The following TENM2 variants were observed in gnomAD, a reference collection of about 807,000 sequenced individuals.
TENM2 encodes teneurin-2.
A neutral mutation model predicts 245.2 loss-of-function variants in TENM2; 52 were observed. That is an observed-to-expected ratio of 0.21 (90% CI 0.17 to 0.27). The LOEUF (loss-of-function observed/expected upper bound fraction) is 0.27, where lower values mean the gene tolerates loss of function less well. TENM2 is among the 10% of genes least tolerant of loss of function. The pLI is 1.00. For missense variants in TENM2, 3,046 were observed against 3,666.8 expected (o/e 0.83, Z 4.37); for synonymous variants, 1,363 against 1,438.9 (o/e 0.95, Z 1.19).
chr5:167,655,494 G>T (rs772820013), intron 2 of TENM2, among the ~76,000 whole-genome samples: 3 of 152,160 alleles, frequency 2.0e-5, no homozygotes, highest in African/African-American at 7.2e-5. Context: ...CTTTAGTTCA[G>T]TTAGAATCTG....
Position 168,195,257 on chromosome 5 carries a change from C to T in TENM2, c.2862C>T (p.Tyr954=), listed in dbSNP as rs969647847. ...GTGTGAACGTGTCTTTTGTCAAGTA[C>T]CCAAAATACGGCTACACCATCACCC... Residue 954 remains tyrosine (Y), a synonymous_variant, in exon 15 of 29, where the codon TAC becomes TAT. Coordinates refer to ENST00000518659, the Ensembl canonical transcript of TENM2. The T allele has an allele frequency of 1.5e-5, 24 of 1,604,742 alleles. 1 individual carries two copies. In the African/African-American group the frequency reaches 3.2e-4, roughly 21 times the overall value.
At chr5:167,518,301 G>A (rs751395332) in intron 2 of TENM2, among the ~76,000 whole-genome samples, 1 of 152,018 alleles carries the variant, frequency 6.6e-6, no homozygotes, top group Non-Finnish European at 1.5e-5. Context: ...TCCCAAACCT[G>A]GATTTCCCTC....
At chr5:167,288,726 G>A (rs1165797635) in intron 1 of TENM2, among the ~76,000 whole-genome samples, 2 of 152,164 alleles carry the variant, frequency 1.3e-5, no homozygotes, top group Non-Finnish European at 2.9e-5. Context: ...AGGAAACTGA[G>A]TCAGAGAGAG....
At chr5:168,202,357 A>C (rs1762008769) in intron 17 of TENM2, among the ~76,000 whole-genome samples, 1 of 152,046 alleles carries the variant, frequency 6.6e-6, no homozygotes, top group Non-Finnish European at 1.5e-5. Flanking sequence ...TTATGAACTC[A>C]TGGACTGAAA....
intron 2 of TENM2, among the ~76,000 whole-genome samples, chr5:167,403,810 G>T (rs930733472): frequency 3.3e-5 from 5 of 151,852 alleles, no homozygotes; most frequent in Admixed American, 6.6e-5. Flanking sequence ...GAATAACACA[G>T]AAAGTTGGTG....
At chr5:167,866,606 C>T (rs188568984) in intron 2 of TENM2, among the ~76,000 whole-genome samples, 10 of 151,562 alleles carry the variant, frequency 6.6e-5, no homozygotes, top group Admixed American at 3.9e-4. Context: ...GTTGTTTCGG[C>T]GTGTTTAGAG....
chr5:167,789,898 A>C (rs906364196), intron 2 of TENM2, among the ~76,000 whole-genome samples: 1 of 152,198 alleles, frequency 6.6e-6, no homozygotes, highest in African/African-American at 2.4e-5. Context: ...GAGACATAAT[A>C]TGTACTTAAT....
At chr5:168,071,943 G>A (rs948971838) in intron 7 of TENM2, among the ~76,000 whole-genome samples, 9 of 152,162 alleles carry the variant, frequency 5.9e-5, no homozygotes, top group Non-Finnish European at 1.3e-4. Flanking sequence ...TTACATTCCA[G>A]CCTGGTGAAA....
At chr5:168,241,223 C>T (rs1344591662) in intron 25 of TENM2, 1 of 151,908 alleles carries the variant, frequency 6.6e-6, no homozygotes, top group East Asian at 1.9e-4. Flanking sequence ...ATTTCCCTCC[C>T]CATGCTTTGA....
intron 2 of TENM2, among the ~76,000 whole-genome samples, chr5:167,820,624 G>T (rs780252082): frequency 6.6e-6 from 1 of 152,166 alleles, no homozygotes; most frequent in Non-Finnish European, 1.5e-5. Context: ...TTCATTTTGC[G>T]TTCCTAATCC....
At chr5:167,908,577 C>T (rs79261155) in intron 3 of TENM2, among the ~76,000 whole-genome samples, 1,227 of 51,620 alleles carry the variant, frequency 0.024, 142 homozygotes, top group African/African-American at 0.094. Context: ...CTCCCCTCCC[C>T]TCTCCTCCCT....
At chr5:167,162,187 C>T in the TENM2 span, among the ~76,000 whole-genome samples, 2 of 150,576 alleles carry the variant, frequency 1.3e-5, no homozygotes, top group Non-Finnish European at 3.0e-5. Context: ...AAAAAAAAAC[C>T]AAAGACTGAC....
At chr5:167,361,761 G>T (rs1291043114) in intron 1 of TENM2, among the ~76,000 whole-genome samples, 4 of 152,196 alleles carry the variant, frequency 2.6e-5, no homozygotes, top group Admixed American at 2.6e-4. Flanking sequence ...AAATCCTCAT[G>T]AAGCTGTTGT....
At chr5:167,273,779 T>A in the TENM2 span, among the ~76,000 whole-genome samples, 1 of 152,092 alleles carries the variant, frequency 6.6e-6, no homozygotes, top group African/African-American at 2.4e-5. Context: ...GGTAAAATAA[T>A]GACAGTAATA....
chr5:167,282,245 A>G (rs1047681081), upstream of TENM2, among the ~76,000 whole-genome samples: 1 of 152,040 alleles, frequency 6.6e-6, no homozygotes, highest in African/African-American at 2.4e-5. Context: ...AAAATACTCA[A>G]CTCCCCATAA....
chr5:167,998,873 C>A (rs1049454436), intron 5 of TENM2, among the ~76,000 whole-genome samples: 2 of 152,114 alleles, frequency 1.3e-5, no homozygotes, highest in Non-Finnish European at 2.9e-5. Context: ...CTTTCAGTTT[C>A]TTTTGAAAAC....
chr5:168,218,053 A>G lies in TENM2; in HGVS notation c.4234-72A>G, dbSNP rs771703124. The G allele has an allele frequency of 4.0e-5, 60 of 1,490,638 alleles. No individual in the cohort carries two copies. Among genetic ancestry groups the G allele is most frequent in the Non-Finnish European group, 5.0e-5 (55 of 1,104,604 alleles). The allele number at this position is 1,490,638 out of a possible 1,614,324, so 92.3% of individuals were successfully genotyped here. On this transcript the variant is annotated intron_variant, in intron 22 of 28. Transcript: ENST00000518659. The surrounding 1 kb of genome is among the most constrained non-coding windows in gnomAD (Gnocchi z 5.2). Reference sequence around the variant, plus strand: ...TCTTTTTTCCTAGATATATAAAACCAGTAAGTGCCGTACGGTTAAACGTTG... The same window carrying G: ...TCTTTTTTCCTAGATATATAAAACCGGTAAGTGCCGTACGGTTAAACGTTG...
chr5:167,149,867 TGTGA>T, the TENM2 span, among the ~76,000 whole-genome samples: 1 of 152,148 alleles, frequency 6.6e-6, no homozygotes. Flanking sequence ...CCACTAGGCT[TGTGA>T]GTATCTTGAG....
chr5:167,626,350 T>C (rs565517593), intron 2 of TENM2, among the ~76,000 whole-genome samples: 1 of 152,164 alleles, frequency 6.6e-6, no homozygotes, highest in Non-Finnish European at 1.5e-5. Context: ...GCTGTGTGTT[T>C]CTGTCCTAGC....
Sources: gnomAD v4.1 joint callset for allele counts (sites outside exome capture counted in the v4.1 genomes callset) on GRCh38, gnomAD v4.1.1 for gene constraint, Gnocchi (gnomAD v3.1) non-coding constraint, MANE v1.5 for transcripts, NCBI Gene and HGNC (gene_info 2026-07-23, HGNC 2026-07-21) for gene names.